Variants in ARSG observed in about 807,000 individuals in gnomAD.
ARSG encodes the protein arylsulfatase G.
Under a neutral mutation model 50.5 loss-of-function variants are expected in ARSG, and 37 were observed. The ratio of observed to expected loss-of-function variants is 0.73; its 90% CI spans 0.56 to 0.96. ARSG has a LOEUF of 0.96. ARSG is among the 50% of genes least tolerant of loss of function. The pLI is 0.00. For missense variants in ARSG, 629 were observed against 675.3 expected (o/e 0.93, Z 0.76); for synonymous variants, 225 against 254.6 (o/e 0.88, Z 1.11).
At chr17:68,366,000 A>G (rs1168580886) in intron 6 of ARSG, among the ~76,000 whole-genome samples, 1 of 152,024 alleles carries the variant, frequency 6.6e-6, no homozygotes. Flanking sequence ...TGCAGTGCAC[A>G]ATCTTGGCTC....
chr17:68,302,997 T>C (rs2076475681), intron 1 of ARSG, among the ~76,000 whole-genome samples: 1 of 152,200 alleles, frequency 6.6e-6, no homozygotes, highest in Non-Finnish European at 1.5e-5. Context: ...CTGAGAGTGA[T>C]GGAGAAAGAA....
At position 68,265,472 on chromosome 17, in the gene ARSG, C is replaced by T. The variant is rs868931127; in HGVS notation, c.-552+6046C>T. 4.6e-5 allele frequency among the ~76,000 whole-genome samples: 7 copies of T among 152,276 alleles called. No individual in the cohort carries two copies. In the East Asian group the frequency reaches 7.7e-4, roughly 17 times the overall value. On this transcript the variant is annotated intron_variant, in intron 1 of 11. Transcript: ENST00000448504. ...TTGTGCCACTGCACTCCAGTCTGGG[C>T]GACAGAGCAAGACTCTGTCTCAAAA...
intron 9 of ARSG, among the ~76,000 whole-genome samples, chr17:68,394,085 C>T (rs553963038): frequency 1.3e-5 from 2 of 151,926 alleles, no homozygotes; most frequent in Admixed American, 1.3e-4. Flanking sequence ...CATGTCAGAA[C>T]AAAATCAACT....
intron 1 of ARSG, chr17:68,268,525 G>A (rs1291438784): frequency 6.6e-6 from 1 of 152,088 alleles, no homozygotes; most frequent in Admixed American, 6.6e-5. Flanking sequence ...ATTTGTTAAC[G>A]GGAACCTTGG....
chr17:68,329,280 C>T (rs1436258831), intron 2 of ARSG, among the ~76,000 whole-genome samples: 1 of 152,186 alleles, frequency 6.6e-6, no homozygotes, highest in Non-Finnish European at 1.5e-5. Flanking sequence ...CGGGAGAGAG[C>T]TTGGGGAGGA....
chr17:68,292,296 C>T (rs541932211), intron 1 of ARSG, among the ~76,000 whole-genome samples: 3 of 152,230 alleles, frequency 2.0e-5, no homozygotes, highest in African/African-American at 7.2e-5. Flanking sequence ...CGCGGGGAGC[C>T]CTCTGTAAGG....
At chr17:68,283,503 A>G (rs1300800394) in intron 1 of ARSG, among the ~76,000 whole-genome samples, 1 of 145,994 alleles carries the variant, frequency 6.8e-6, no homozygotes, top group Non-Finnish European at 1.5e-5. Context: ...CCTGGGCGAC[A>G]GAGTGAGACT....
chr17:68,417,750 T>TTTTA (rs1222709715), intron 11 of ARSG, among the ~76,000 whole-genome samples: 4 of 128,806 alleles, frequency 3.1e-5, no homozygotes, highest in Non-Finnish European at 4.9e-5. Flanking sequence ...TTTTTTTTTT[T>TTTTA]TTTTTTTTTT....
the ARSG span, among the ~76,000 whole-genome samples, chr17:68,437,948 T>TAA: frequency 6.1e-4 from 48 of 78,790 alleles, no homozygotes; most frequent in South Asian, 2.8e-3. Context: ...ACATCTCTCT[T>TAA]AAAAAAAAAA....
chr17:68,266,877 G>A (rs2075176363), intron 1 of ARSG: 4 of 152,210 alleles, frequency 2.6e-5, no homozygotes, highest in South Asian at 2.1e-4. Flanking sequence ...GAAACTTTAT[G>A]TGTCTCTAGT....
At chr17:68,375,347 T>G (rs2080092797) in intron 8 of ARSG, among the ~76,000 whole-genome samples, 1 of 152,156 alleles carries the variant, frequency 6.6e-6, no homozygotes, top group African/African-American at 2.4e-5. Context: ...ACCAGCATCA[T>G]TAGCACCACC....
chr17:68,383,499 A>C (rs576403420), intron 8 of ARSG, among the ~76,000 whole-genome samples: 1 of 152,338 alleles, frequency 6.6e-6, no homozygotes, highest in Non-Finnish European at 1.5e-5. Context: ...TACACCATGG[A>C]CATGCAGATA....
chr17:68,298,594 CA>C lies in ARSG; in HGVS notation c.-552+7048del, dbSNP rs562725952. Among the ~76,000 whole-genome samples the C allele has an allele frequency of 4.3e-3, 277 of 64,838 alleles. 2 individuals are homozygous for C. Among genetic ancestry groups the C allele is most frequent in the Non-Finnish European group, 5.5e-3 (188 of 34,104 alleles). The allele number at this position is 64,838 out of a possible 152,430, so 42.5% of individuals were successfully genotyped here. The stretch of plus-strand genomic sequence containing the variant: ...TGGGTGACAGAGCGGGATCCTGTCT[CA>C]AAAAAAAAAAAAAAAAAAAAAGAGA... On this transcript the variant is annotated intron_variant, in intron 1 of 11. Coordinates refer to ENST00000621439, the MANE Select transcript of ARSG (RefSeq NM_001267727.2).
intron 8 of ARSG, among the ~76,000 whole-genome samples, chr17:68,380,679 G>C (rs117117336): frequency 0.015 from 2,284 of 152,230 alleles, 26 homozygotes; most frequent in Admixed American, 0.023. Context: ...TATGTTATTG[G>C]TACGGCTTCC....
chr17:68,420,598 A>G lies in ARSG; in HGVS notation c.*135A>G. The G allele has an allele frequency of 3.8e-6, 4 of 1,054,516 alleles. No homozygotes were observed. In the South Asian group the frequency reaches 6.0e-5, roughly 16 times the overall value. 65.3% of individuals were successfully genotyped at this position (1,054,516 alleles called of 1,614,324 possible). A position where few individuals can be genotyped will look rare whatever the true frequency, so the allele number is the denominator to read the frequency against. On this transcript the variant is annotated 3_prime_UTR_variant, in exon 12 of 12. Coordinates refer to ENST00000621439, the MANE Select transcript of ARSG (RefSeq NM_001267727.2). ...TTTAGTTTTGGAGTTAGCCTTGCAT[A>G]TCCCTTCTGTATCCTGTCCCTCCTC...
rs1281152573 is a variant in ARSG at position 68,385,182 on chromosome 17, C to A, written c.1091+10C>A. On this transcript the variant is annotated intron_variant, in intron 9 of 11. Coordinates refer to ENST00000621439, the MANE Select transcript of ARSG (RefSeq NM_001267727.2). ...GCACTGCCTTGTTAAGGTATGAGAC[C>A]AAAACTACCTTGAGATGTTGGGGCC... The A allele has an allele frequency of 1.2e-5, 19 of 1,609,408 alleles. No homozygotes were observed. The highest frequency in any genetic ancestry group is 1.6e-5 in the Non-Finnish European group (19 of 1,176,110).
chr17:68,313,664 T>TA (rs1321676049), intron 2 of ARSG, among the ~76,000 whole-genome samples: 2 of 147,948 alleles, frequency 1.4e-5, no homozygotes, highest in Admixed American at 7.0e-5. Flanking sequence ...TTAGCTGTAT[T>TA]ACGTATCTCT....
At chr17:68,366,205 C>G (rs1391123425) in intron 6 of ARSG, among the ~76,000 whole-genome samples, 2 of 151,620 alleles carry the variant, frequency 1.3e-5, no homozygotes, top group African/African-American at 4.9e-5. Flanking sequence ...TCCCAAAGTG[C>G]TGGGATTACA....
intron 2 of ARSG, among the ~76,000 whole-genome samples, chr17:68,330,136 G>A (rs949326575): frequency 2.0e-5 from 3 of 152,162 alleles, no homozygotes; most frequent in African/African-American, 4.8e-5. Flanking sequence ...CTTGAACCCT[G>A]GAAGTGGAGG....
Sources: gnomAD v4.1 joint callset for allele counts (sites outside exome capture counted in the v4.1 genomes callset) on GRCh38, gnomAD v4.1.1 for gene constraint, MANE v1.5 for transcripts, NCBI Gene and HGNC (gene_info 2026-07-23, HGNC 2026-07-21) for gene names.